The following TRAF3IP2 variants were observed in gnomAD, a reference collection of about 807,000 sequenced individuals.
The protein encoded by TRAF3IP2 is TRAF3 interacting protein 2.
In TRAF3IP2, 35 loss-of-function variants were observed where a neutral mutation model predicts 57.9. That is an observed-to-expected ratio of 0.60 (90% CI 0.46 to 0.80). The LOEUF (loss-of-function observed/expected upper bound fraction) is 0.80. Among genes scored for constraint, TRAF3IP2 ranks in the 30% least tolerant of loss-of-function variants. The pLI, the probability that TRAF3IP2 is intolerant of heterozygous loss-of-function variation, is 0.00. For missense variants in TRAF3IP2, 556 were observed against 706.4 expected (o/e 0.79, Z 2.41); for synonymous variants, 251 against 268.9 (o/e 0.93, Z 0.65).
At chr6:111,571,226 C>T (rs1220369192) in intron 5 of TRAF3IP2, among the ~76,000 whole-genome samples, 1 of 152,118 alleles carries the variant, frequency 6.6e-6, no homozygotes, top group Non-Finnish European at 1.5e-5. Context: ...CAGAAATGTG[C>T]CACCACACTC....
intron 1 of TRAF3IP2, among the ~76,000 whole-genome samples, chr6:111,598,863 G>C (rs1429739217): frequency 6.6e-6 from 1 of 152,182 alleles, no homozygotes; most frequent in Non-Finnish European, 1.5e-5. Context: ...CCAGGAGACA[G>C]TGAACATATC....
chr6:111,580,181 G>T lies in TRAF3IP2; in HGVS notation c.1022+16C>A. 6.2e-7 allele frequency: 1 copy of T among 1,612,252 alleles called. No homozygotes were observed. The highest frequency in any genetic ancestry group is 8.5e-7 in the Non-Finnish European group (1 of 1,179,082). The stretch of plus-strand genomic sequence containing the variant: ...CCATGTTAAAAATGCCTGAAGGTTG[G>T]GCCTGTCATACTTACTGGTGCCTTG... On this transcript the variant is annotated intron_variant, in intron 3 of 8. Transcript: ENST00000368761.
At chr6:111,596,495 C>A (rs1297543284) in intron 1 of TRAF3IP2, among the ~76,000 whole-genome samples, 3 of 152,138 alleles carry the variant, frequency 2.0e-5, no homozygotes, top group African/African-American at 7.2e-5. Flanking sequence ...GCTCTGTCAC[C>A]CAGGTTGGAG....
At chr6:111,569,239 G>A (rs28534051) in intron 5 of TRAF3IP2, among the ~76,000 whole-genome samples, 1 of 152,214 alleles carries the variant, frequency 6.6e-6, no homozygotes, top group Non-Finnish European at 1.5e-5. Flanking sequence ...AAGCAATATA[G>A]TGTCAGGGTT....
intron 1 of TRAF3IP2, among the ~76,000 whole-genome samples, chr6:111,599,600 A>C (rs1389855000): frequency 6.6e-6 from 1 of 152,088 alleles, no homozygotes; most frequent in Admixed American, 6.6e-5. Flanking sequence ...CTGTTTGCTC[A>C]TGTCTGTTCC....
At chr6:111,585,841 G>T (rs148618499) in intron 2 of TRAF3IP2, among the ~76,000 whole-genome samples, 1 of 152,162 alleles carries the variant, frequency 6.6e-6, no homozygotes, top group Non-Finnish European at 1.5e-5. Flanking sequence ...ACAAATGGGC[G>T]CCCAGGACTG....
chr6:111,573,007 T>C, intron 4 of TRAF3IP2, 24 bp from the exon 5 acceptor site: 1 of 1,523,362 alleles, frequency 6.6e-7, no homozygotes, highest in Non-Finnish European at 9.1e-7. Flanking sequence ...TTTACATTTA[T>C]TAGAAACTGA....
rs562567871 is a variant in TRAF3IP2 at position 111,593,922 on chromosome 6, G to A, written c.-8-1828C>T. 5.3e-5 allele frequency among the ~76,000 whole-genome samples: 8 copies of A among 152,220 alleles called. No homozygotes were observed. The East Asian group carries it at 1.2e-3, about 22-fold the overall frequency. ...GAGGCGGGTGGATCACCTGAGGTCA[G>A]GTATTCGAGACTAGCCTGGCTAACA... On this transcript the variant is annotated intron_variant, in intron 1 of 8. Coordinates refer to ENST00000368761, the MANE Select transcript of TRAF3IP2 (RefSeq NM_147686.4).
chr6:111,597,883 T>A (rs1490469997), intron 1 of TRAF3IP2: 2 of 456,012 alleles, frequency 4.4e-6, no homozygotes, highest in Admixed American at 2.3e-5. Context: ...TGACCTTTGC[T>A]CCAGTCTCTA....
rs73764007 is a variant in TRAF3IP2, at chr6:111,581,135, C to T, written c.830-746G>A. Among the ~76,000 whole-genome samples the T allele has an allele frequency of 1.7e-3, 254 of 152,298 alleles. 2 individuals carry two copies. Among genetic ancestry groups the T allele is most frequent in the African/African-American group, 5.5e-3 (229 of 41,568 alleles). The stretch of plus-strand genomic sequence containing the variant: ...CAGGAGGGTCCCCAGGGAAGGGCAG[C>T]CTGCTGCTGCCAGAGTTAAGCATAG... On this transcript the variant is annotated intron_variant, in intron 2 of 8. Coordinates refer to ENST00000368761, the MANE Select transcript of TRAF3IP2 (RefSeq NM_147686.4).
chr6:111,589,089 TGAGA>T (rs1331252191), intron 2 of TRAF3IP2, among the ~76,000 whole-genome samples: 1 of 150,294 alleles, frequency 6.7e-6, no homozygotes, highest in Non-Finnish European at 1.5e-5. Flanking sequence ...TTTTTTTTTT[TGAGA>T]TGGAGTCTCA....
chr6:111,569,583 C>G (rs1252678851), intron 5 of TRAF3IP2, among the ~76,000 whole-genome samples: 1 of 151,804 alleles, frequency 6.6e-6, no homozygotes, highest in African/African-American at 2.4e-5. Context: ...GAAAACCCGT[C>G]TCTACTAAAA....
Position 111,591,219 on chromosome 6 carries a change from C to T in TRAF3IP2, c.829+39G>A. The T allele has an allele frequency of 7.0e-7, 1 of 1,435,152 alleles. No individual in the cohort carries two copies. The highest frequency in any genetic ancestry group is 2.3e-5 in the East Asian group (1 of 42,828). 88.9% of individuals were successfully genotyped at this position (1,435,152 alleles called of 1,614,324 possible). A position where few individuals can be genotyped will look rare whatever the true frequency, so the allele number is the denominator to read the frequency against. ...TGTGAGGCCCTTGTTTCTTCAGTCACCCAGCCCAGAATGCCCAGAGGAGGT... is the reference window on the plus strand; with the variant it reads ...TGTGAGGCCCTTGTTTCTTCAGTCATCCAGCCCAGAATGCCCAGAGGAGGT... On this transcript the variant is annotated intron_variant, in intron 2 of 8. Transcript: ENST00000368761. This position sits in a 1 kb window ranked among gnomAD's most constrained non-coding sequence, Gnocchi z 4.9.
intron 6 of TRAF3IP2, among the ~76,000 whole-genome samples, 153 bp from the exon 7 acceptor site, chr6:111,566,713 T>G (rs1795652407): frequency 6.6e-6 from 1 of 152,158 alleles, no homozygotes; most frequent in Non-Finnish European, 1.5e-5. Flanking sequence ...TGCTTCTCCC[T>G]TCTGTCTCCA....
In TRAF3IP2 at chr6:111,557,681, CA is replaced by C. The variant is rs1795292299; in HGVS notation, c.*1723del. ...TCCTGACCTCATGATCCGCCTGCCT[CA>C]GCCTCCCAAAGTGCTGGGATTACAG... is the stretch of plus-strand genomic sequence containing the variant. On this transcript the variant is annotated 3_prime_UTR_variant, in exon 9 of 9. Transcript: ENST00000368761. The C allele has an allele frequency of 6.6e-6, 1 of 151,644 alleles. No individual in the cohort carries two copies. Among genetic ancestry groups the C allele is most frequent in the Non-Finnish European group, 1.5e-5 (1 of 67,910 alleles). 9.4% of individuals were successfully genotyped at this position (151,644 alleles called of 1,614,324 possible).
rs926507425 is a variant in TRAF3IP2 at position 111,557,144 on chromosome 6, A to AG, written c.*2260_*2261insC. ...CTGTCTCAAAAAAAAGAAAAAAAAA[A>AG]CAAAACGGTGGACTGTCTTGTAGCA... On this transcript the variant is annotated 3_prime_UTR_variant, in exon 9 of 9. Transcript: ENST00000368761. The AG allele has an allele frequency of 6.6e-6, 1 of 152,188 alleles. No individual in the cohort carries two copies. The highest frequency in any genetic ancestry group is 2.4e-5 in the African/African-American group (1 of 41,384). 9.4% of individuals were successfully genotyped at this position (152,188 alleles called of 1,614,324 possible).
chr6:111,566,668 A>C (rs1321926271), intron 6 of TRAF3IP2, 108 bp from the exon 7 acceptor site: 1 of 964,756 alleles, frequency 1.0e-6, no homozygotes, highest in Non-Finnish European at 1.7e-6. Flanking sequence ...ATAGAAAGAG[A>C]AGCACTGGCC....
intron 5 of TRAF3IP2, among the ~76,000 whole-genome samples, chr6:111,569,739 G>C (rs1383423142): frequency 1.3e-5 from 2 of 152,216 alleles, no homozygotes; most frequent in Non-Finnish European, 2.9e-5. Context: ...CTGGGCAACA[G>C]AGCAAGACCC....
intron 1 of TRAF3IP2, among the ~76,000 whole-genome samples, chr6:111,597,272 C>A (rs1256340509): frequency 6.6e-6 from 1 of 152,164 alleles, no homozygotes; most frequent in Non-Finnish European, 1.5e-5. Context: ...TTGACCACAA[C>A]CCTTACTTGC....
Sources: allele counts gnomAD v4.1 joint callset (sites outside exome capture counted in the v4.1 genomes callset), GRCh38; gene constraint gnomAD v4.1.1; non-coding constraint Gnocchi (gnomAD v3.1); transcripts MANE v1.5; gene names NCBI Gene and HGNC (gene_info 2026-07-23, HGNC 2026-07-21).